The following DSG4 variants were observed in gnomAD, a reference collection of about 807,000 sequenced individuals.
DSG4 encodes desmoglein 4.
In DSG4, 87 loss-of-function variants were observed where a neutral mutation model predicts 93.1. The ratio of observed to expected loss-of-function variants is 0.93; its 90% CI spans 0.79 to 1.12. The LOEUF is 1.12. Among genes scored for constraint, DSG4 ranks in the 50% most tolerant of loss-of-function variants. DSG4 has a pLI of 0.00. For synonymous variants in DSG4, 432 were observed against 452.9 expected (o/e 0.95, Z 0.59); for missense variants, 1,373 against 1,285.7 (o/e 1.07, Z -1.04).
chr18:31,400,160 C>T (rs1456863997), intron 9 of DSG4, among the ~76,000 whole-genome samples: 4 of 152,146 alleles, frequency 2.6e-5, no homozygotes, highest in Admixed American at 2.0e-4. Context: ...CTATATCCTG[C>T]CCTTCTCTAT....
At chr18:31,401,425 T>C (rs1299914461) in intron 10 of DSG4, among the ~76,000 whole-genome samples, 1 of 152,182 alleles carries the variant, frequency 6.6e-6, no homozygotes, top group African/African-American at 2.4e-5. Flanking sequence ...AATACAATTA[T>C]TTTAGATCCA....
At chr18:31,404,899 T>C (rs1296733187) in intron 11 of DSG4, among the ~76,000 whole-genome samples, 5 of 152,210 alleles carry the variant, frequency 3.3e-5, no homozygotes, top group Non-Finnish European at 7.3e-5. Context: ...ATGTTCTGCA[T>C]GGAGGTATAA....
chr18:31,386,875 A>G, intron 3 of DSG4, 56 bp downstream of exon 3: 1 of 1,609,468 alleles, frequency 6.2e-7, no homozygotes, highest in Non-Finnish European at 8.5e-7. Context: ...GAAGCTTTCA[A>G]ATATCTCCAA....
rs369129103 is a variant in DSG4 at position 31,407,140 on chromosome 18, CA to C, written c.1933+776del. Among the ~76,000 whole-genome samples the C allele has an allele frequency of 1.8e-3, 269 of 150,374 alleles. 2 individuals are homozygous for C. Among genetic ancestry groups the C allele is most frequent in the African/African-American group, 6.3e-3 (259 of 41,022 alleles). Reference sequence around the variant, plus strand: ...TGAAAGGTAATCAAACACACACACACAAAAAAAAACCACACACACAAACAAA... The same window carrying C: ...TGAAAGGTAATCAAACACACACACACAAAAAAAACCACACACACAAACAAA... On this transcript the variant is annotated intron_variant, in intron 12 of 15. Coordinates refer to ENST00000308128, the MANE Select transcript of DSG4 (RefSeq NM_177986.5).
chr18:31,389,097 A>G (rs2072222180), intron 5 of DSG4, 79 bp downstream of exon 5: 1 of 1,531,716 alleles, frequency 6.5e-7, no homozygotes, highest in African/African-American at 1.4e-5. Context: ...ACTGACATAC[A>G]GGAAATGTAA....
In DSG4 at chr18:31,388,527, G is replaced by A; in HGVS notation, c.372+5G>A. 6.2e-7 allele frequency: 1 copy of A among 1,613,134 alleles called. No individual in the cohort carries two copies. Among genetic ancestry groups the A allele is most frequent in the South Asian group, 1.1e-5 (1 of 91,062 alleles). ...GAAATAACTCCACTTTTCTTGGTAAGTCATAGCCATATGTTTTGATTTGTT... is the reference window on the plus strand; with the variant it reads ...GAAATAACTCCACTTTTCTTGGTAAATCATAGCCATATGTTTTGATTTGTT... On this transcript the variant is annotated splice_donor_5th_base_variant and intron_variant, in intron 4 of 15. Transcript: ENST00000308128.
chr18:31,414,370 A>G lies in DSG4; in HGVS notation c.*775A>G, dbSNP rs1294582541. On this transcript the variant is annotated 3_prime_UTR_variant, in exon 16 of 16. Coordinates refer to ENST00000308128, the MANE Select transcript of DSG4 (RefSeq NM_177986.5). ...CCCACTTACAGGGAATTTTTTCCCT[A>G]CTGTTGCCAATTATGTCAGAAAAAT... 3.9e-5 allele frequency: 6 copies of G among 152,188 alleles called. No individual in the cohort carries two copies. The highest frequency in any genetic ancestry group is 8.8e-5 in the Non-Finnish European group (6 of 68,028). The allele number at this position is 152,188 out of a possible 1,614,324, so 9.4% of individuals were successfully genotyped here.
intron 11 of DSG4, among the ~76,000 whole-genome samples, chr18:31,405,559 T>C (rs2072414939): frequency 6.6e-6 from 1 of 151,392 alleles, no homozygotes; most frequent in Non-Finnish European, 1.5e-5. Context: ...TAAAAATTAG[T>C]TATAAATGTT....
rs1367292062 is a variant in DSG4, at chr18:31,413,049, G to C, written c.2577G>C (p.Gln859His). The C allele has an allele frequency of 1.2e-6, 2 of 1,614,114 alleles. No homozygotes were observed. The highest frequency in any genetic ancestry group is 3.3e-5 in the Admixed American group (2 of 60,018). The change falls in exon 16 of 16, where the codon CAG (glutamine) becomes CAC (histidine). Residue 859 changes from glutamine to histidine, a missense_variant. Physicochemically the swap from Gln to His is conservative, Grantham distance 24. Coordinates refer to ENST00000308128, the MANE Select transcript of DSG4 (RefSeq NM_177986.5). ...AAATTGAACCATTTCCTTCACACCA[G>C]GCTTGTATACCAATCAGTACTGACC... ...NTEIEPFPSH[Q>H]ACIPISTDLP... is the part of the protein sequence containing the mutation.
chr18:31,392,804 T>C (rs1203917667), intron 8 of DSG4, among the ~76,000 whole-genome samples: 1 of 152,174 alleles, frequency 6.6e-6, no homozygotes, highest in East Asian at 1.9e-4. Context: ...AGATTGCTAA[T>C]GTGGGTAATA....
chr18:31,400,779 T>A lies in DSG4; in HGVS notation c.1278-102T>A, dbSNP rs531907491. The A allele has an allele frequency of 3.2e-6, 4 of 1,264,286 alleles. No homozygotes were observed. The African/African-American group carries it at 4.5e-5, about 14-fold the overall frequency. The allele number at this position is 1,264,286 out of a possible 1,614,324, so 78.3% of individuals were successfully genotyped here. A position where few individuals can be genotyped will look rare whatever the true frequency, so the allele number is the denominator to read the frequency against. ...CCAAGGCAATCATCACTATAAAACA[T>A]AAAAACACAATATTAAAGTTTGCCA... On this transcript the variant is annotated intron_variant, in intron 9 of 15. Transcript: ENST00000308128.
At chr18:31,399,623 T>C in intron 9 of DSG4, 80 bp downstream of exon 9, 2 of 1,587,322 alleles carry the variant, frequency 1.3e-6, no homozygotes, top group African/African-American at 1.3e-5. Flanking sequence ...ATGTTGGTTG[T>C]AATACTTTTG....
chr18:31,391,235 C>T, intron 7 of DSG4, 23 bp downstream of exon 7: 1 of 1,613,020 alleles, frequency 6.2e-7, no homozygotes, highest in Non-Finnish European at 8.5e-7. Context: ...TCTTATCTTC[C>T]TTTTTCCATA....
chr18:31,387,502 G>A (rs954203311), intron 3 of DSG4, among the ~76,000 whole-genome samples: 4 of 152,130 alleles, frequency 2.6e-5, no homozygotes, highest in Non-Finnish European at 4.4e-5. Context: ...TCTCTCAGAT[G>A]TTTTCAAATT....
intron 10 of DSG4, among the ~76,000 whole-genome samples, chr18:31,402,024 T>C (rs1025512317): frequency 1.2e-4 from 19 of 152,184 alleles, no homozygotes; most frequent in African/African-American, 4.6e-4. Flanking sequence ...AATTTGAAAA[T>C]GGATTCTAAC....
rs1488823041 is a variant in DSG4, at chr18:31,411,368, A to G, written c.2275A>G (p.Arg759Gly). 2.5e-6 allele frequency: 4 copies of G among 1,613,942 alleles called. No homozygotes were observed. The highest frequency in any genetic ancestry group is 3.4e-6 in the Non-Finnish European group (4 of 1,180,024). The part of the protein sequence containing the change: ...AAGASGAARK[R>G]SSTMGTLRDY... The stretch of plus-strand genomic sequence containing the variant: ...AGGAGCCTCAGGGGCCGCAAGGAAG[A>G]GGAGCTCTACCATGGGAACCCTGCG... The change falls in exon 15 of 16, where the codon AGG becomes GGG. Residue 759 changes from arginine to glycine, a missense_variant. Physicochemically the swap from Arg to Gly is moderately radical, Grantham distance 125. Transcript: ENST00000308128.
chr18:31,386,638 A>G (rs774911508), intron 2 of DSG4, 50 bp from the exon 3 acceptor site: 1 of 1,609,164 alleles, frequency 6.2e-7, no homozygotes. Context: ...TGTCCTTTCT[A>G]AGTAAAATTG....
intron 8 of DSG4, among the ~76,000 whole-genome samples, chr18:31,396,032 A>G (rs1040949859): frequency 6.6e-6 from 1 of 152,186 alleles, no homozygotes; most frequent in Non-Finnish European, 1.5e-5. Context: ...CAAGAGAAAG[A>G]TCTCAGAAAA....
chr18:31,378,542 A>T (rs186141198), intron 1 of DSG4, among the ~76,000 whole-genome samples: 293 of 152,266 alleles, frequency 1.9e-3, no homozygotes, highest in African/African-American at 6.2e-3. Context: ...AGAGTATTAT[A>T]CTTCAGACTC....
Sources: gnomAD v4.1 joint callset for allele counts (sites outside exome capture counted in the v4.1 genomes callset) on GRCh38, gnomAD v4.1.1 for gene constraint, MANE v1.5 for transcripts, NCBI Gene and HGNC (gene_info 2026-07-23, HGNC 2026-07-21) for gene names.